The following SLC44A5 variants were observed in gnomAD, a reference collection of about 807,000 sequenced individuals.
SLC44A5 encodes solute carrier family 44 member 5, also known as choline transporter-like protein 5.
A neutral mutation model predicts 101.8 loss-of-function variants in SLC44A5; 57 were observed. The ratio of observed to expected loss-of-function variants is 0.56; its 90% confidence interval spans 0.45 to 0.70. The LOEUF is 0.70. Among genes scored for constraint, SLC44A5 ranks in the 30% least tolerant of loss-of-function variants. The pLI is 0.00. For synonymous variants in SLC44A5, 281 were observed against 290.9 expected (o/e 0.97, Z 0.35); for missense variants, 737 against 853.1 (o/e 0.86, Z 1.70).
the SLC44A5 span, among the ~76,000 whole-genome samples, chr1:75,671,734 C>T: frequency 2.6e-5 from 4 of 152,020 alleles, no homozygotes; most frequent in African/African-American, 7.2e-5. Flanking sequence ...TTAGAAAGGG[C>T]GAAGCTCTCA....
chr1:75,665,498 A>T, the SLC44A5 span, among the ~76,000 whole-genome samples: 3 of 152,192 alleles, frequency 2.0e-5, no homozygotes, highest in Admixed American at 1.3e-4. Context: ...AACTATAAAA[A>T]TCCTAGAAGA....
In SLC44A5 at chr1:75,537,021, A is replaced by G. The variant is rs1321939598; in HGVS notation, c.13+4414T>C. On this transcript the variant is annotated intron_variant, in intron 2 of 23. Transcript: ENST00000370859. ...ACTCCATCTCAAAAAAAAAAAAAAA[A>G]AAAAAAAAAAAAATATATATCTATG... Among the ~76,000 whole-genome samples the G allele has an allele frequency of 5.1e-5, 2 of 39,348 alleles. 1 individual carries two copies. Among genetic ancestry groups the G allele is most frequent in the Non-Finnish European group, 2.0e-4 (2 of 10,004 alleles). The allele number at this position is 39,348 out of a possible 152,430, so 25.8% of individuals were successfully genotyped here. A position where few individuals can be genotyped will look rare whatever the true frequency, so the allele number is the denominator to read the frequency against.
At chr1:75,467,505 T>A (rs1020628796) in intron 2 of SLC44A5, among the ~76,000 whole-genome samples, 1 of 151,790 alleles carries the variant, frequency 6.6e-6, no homozygotes, top group Non-Finnish European at 1.5e-5. Flanking sequence ...TGGAACAGAA[T>A]AGAGAACACA....
chr1:75,421,804 T>C (rs939446549), intron 2 of SLC44A5, among the ~76,000 whole-genome samples: 1 of 151,570 alleles, frequency 6.6e-6, no homozygotes, highest in African/African-American at 2.4e-5. Context: ...TTACAATTCA[T>C]AAAAGCTTAT....
chr1:75,459,455 A>G (rs1666374420), intron 2 of SLC44A5, among the ~76,000 whole-genome samples: 1 of 152,224 alleles, frequency 6.6e-6, no homozygotes, highest in African/African-American at 2.4e-5. Context: ...AACTTTTTAT[A>G]TGATCCTTTG....
At chr1:75,415,423 A>G (rs748840631) in intron 2 of SLC44A5, among the ~76,000 whole-genome samples, 4 of 152,220 alleles carry the variant, frequency 2.6e-5, no homozygotes, top group Non-Finnish European at 4.4e-5. Context: ...AGCCTTCCTC[A>G]GCCATGTGGA....
intron 2 of SLC44A5, among the ~76,000 whole-genome samples, chr1:75,435,989 T>C (rs1664868097): frequency 6.6e-6 from 1 of 151,960 alleles, no homozygotes; most frequent in African/African-American, 2.4e-5. Context: ...CAAATAAGAG[T>C]AGCCATTAAA....
intron 11 of SLC44A5, 64 bp from the exon 12 acceptor site, chr1:75,234,162 A>C: frequency 9.0e-7 from 1 of 1,114,066 alleles, no homozygotes; most frequent in Non-Finnish European, 1.3e-6. Context: ...TACAAACATC[A>C]AGACAAAACT....
At chr1:75,499,974 C>T (rs2101835994) in intron 2 of SLC44A5, among the ~76,000 whole-genome samples, 1 of 152,236 alleles carries the variant, frequency 6.6e-6, no homozygotes, top group East Asian at 1.9e-4. Flanking sequence ...TGCCCATAAA[C>T]CCCTCCCATC....
At chr1:75,424,633 G>A (rs887050264) in intron 2 of SLC44A5, among the ~76,000 whole-genome samples, 7 of 152,180 alleles carry the variant, frequency 4.6e-5, no homozygotes, top group Non-Finnish European at 8.8e-5. Flanking sequence ...AAGAGCAAGA[G>A]TTCTAATAAT....
At chr1:75,325,204 T>C (rs1656486991) in intron 4 of SLC44A5, among the ~76,000 whole-genome samples, 1 of 152,158 alleles carries the variant, frequency 6.6e-6, no homozygotes, top group Non-Finnish European at 1.5e-5. Flanking sequence ...ACATGTGGAC[T>C]TGACCTTCAC....
At chr1:75,586,203 T>C (rs1042406965) in intron 1 of SLC44A5, among the ~76,000 whole-genome samples, 4 of 152,148 alleles carry the variant, frequency 2.6e-5, no homozygotes, top group Non-Finnish European at 1.5e-5. Flanking sequence ...GAGAATCTGC[T>C]TTCTCTGCTT....
At chr1:75,447,341 T>C (rs535643028) in intron 2 of SLC44A5, among the ~76,000 whole-genome samples, 6 of 152,260 alleles carry the variant, frequency 3.9e-5, no homozygotes, top group Non-Finnish European at 8.8e-5. Flanking sequence ...GAGGTTAATA[T>C]GGATTTTGTA....
chr1:75,422,393 C>G (rs960624085), intron 2 of SLC44A5, among the ~76,000 whole-genome samples: 1 of 152,198 alleles, frequency 6.6e-6, no homozygotes, highest in Non-Finnish European at 1.5e-5. Flanking sequence ...TTTGGACTTA[C>G]AAGTCCGCAG....
At chr1:75,470,790 G>C (rs559345386) in intron 2 of SLC44A5, among the ~76,000 whole-genome samples, 1 of 152,142 alleles carries the variant, frequency 6.6e-6, no homozygotes, top group Non-Finnish European at 1.5e-5. Flanking sequence ...GGGCTGTCCA[G>C]GTGGAGAGAT....
chr1:75,446,357 A>C (rs1036740077), intron 2 of SLC44A5, among the ~76,000 whole-genome samples: 5 of 152,026 alleles, frequency 3.3e-5, no homozygotes, highest in Non-Finnish European at 7.4e-5. Context: ...AGCAGATGTC[A>C]AGCTCATCCT....
At chr1:75,335,470 G>C (rs1041180124) in intron 4 of SLC44A5, among the ~76,000 whole-genome samples, 5 of 152,206 alleles carry the variant, frequency 3.3e-5, no homozygotes, top group Non-Finnish European at 7.3e-5. Flanking sequence ...TGTGGAGTCA[G>C]AACAAGGGGA....
intron 9 of SLC44A5, among the ~76,000 whole-genome samples, chr1:75,240,199 C>T (rs1053589732): frequency 1.3e-5 from 2 of 152,036 alleles, no homozygotes; most frequent in African/African-American, 2.4e-5. Flanking sequence ...CTTTCTTCTA[C>T]AGTAAATATT....
At chr1:75,624,353 T>C in the SLC44A5 span, among the ~76,000 whole-genome samples, 1 of 152,170 alleles carries the variant, frequency 6.6e-6, no homozygotes, top group African/African-American at 2.4e-5. Context: ...GTAATAACTA[T>C]GAAATCAACA....
Sources: gnomAD v4.1 joint callset for allele counts (sites outside exome capture counted in the v4.1 genomes callset) on GRCh38, gnomAD v4.1.1 for gene constraint, MANE v1.5 for transcripts, NCBI Gene and HGNC (gene_info 2026-07-23, HGNC 2026-07-21) for gene names.